Variants in PEBP4 observed in about 807,000 individuals in gnomAD.
The protein encoded by PEBP4 is phosphatidylethanolamine-binding protein 4.
In PEBP4, 22 loss-of-function variants were observed where a neutral mutation model predicts 23.9. That is an observed-to-expected ratio of 0.92 (90% CI 0.66 to 1.31). The LOEUF is 1.31. Among genes scored for constraint, PEBP4 ranks in the 40% most tolerant of loss-of-function variants. The pLI is 0.00. For synonymous variants in PEBP4, 112 were observed against 99.3 expected (o/e 1.13, Z -0.76); for missense variants, 324 against 281.7 (o/e 1.15, Z -1.07).
intron 3 of PEBP4, among the ~76,000 whole-genome samples, chr8:22,852,302 T>C (rs142888195): frequency 6.6e-6 from 1 of 152,326 alleles, no homozygotes; most frequent in African/African-American, 2.4e-5. Flanking sequence ...TTTCTTGTTC[T>C]TCTTTTTTTC....
At chr8:22,727,000 A>T (rs1804632911) in intron 5 of PEBP4, among the ~76,000 whole-genome samples, 175 bp downstream of exon 5, 1 of 152,186 alleles carries the variant, frequency 6.6e-6, no homozygotes. Flanking sequence ...TCCTCTTAAA[A>T]TGGGGACACT....
chr8:22,907,380 T>C (rs991476319), intron 3 of PEBP4, among the ~76,000 whole-genome samples: 2 of 152,004 alleles, frequency 1.3e-5, no homozygotes, highest in African/African-American at 4.8e-5. Context: ...GGTGTGGTGG[T>C]GCACACCTGT....
chr8:22,878,884 T>C (rs558685223), intron 3 of PEBP4, among the ~76,000 whole-genome samples: 7 of 152,304 alleles, frequency 4.6e-5, no homozygotes, highest in Non-Finnish European at 7.4e-5. Flanking sequence ...GAAGAGGGCA[T>C]CCAGAATGAT....
At chr8:22,878,645 G>C (rs923975799) in intron 3 of PEBP4, among the ~76,000 whole-genome samples, 1 of 152,116 alleles carries the variant, frequency 6.6e-6, no homozygotes, top group Admixed American at 6.5e-5. Context: ...ATGCTCACTC[G>C]GACTCTGCTA....
chr8:22,823,777 G>A (rs1280547998), intron 3 of PEBP4, among the ~76,000 whole-genome samples: 1 of 151,852 alleles, frequency 6.6e-6, no homozygotes, highest in Non-Finnish European at 1.5e-5. Context: ...AATATACAAA[G>A]TACTCTTTAA....
intron 4 of PEBP4, among the ~76,000 whole-genome samples, chr8:22,799,613 T>C (rs929043566): frequency 6.6e-6 from 1 of 152,256 alleles, no homozygotes; most frequent in Non-Finnish European, 1.5e-5. Context: ...TGCAGGTTTG[T>C]TACATAGGTA....
intron 4 of PEBP4, among the ~76,000 whole-genome samples, chr8:22,807,938 T>G (rs1455790746): frequency 2.1e-5 from 3 of 142,070 alleles, no homozygotes; most frequent in Non-Finnish European, 4.6e-5. Flanking sequence ...ATCCACCTAC[T>G]AAACCTCTAT....
chr8:22,717,680 A>G (rs543976677), intron 6 of PEBP4, among the ~76,000 whole-genome samples: 1 of 152,296 alleles, frequency 6.6e-6, no homozygotes, highest in South Asian at 2.1e-4. Flanking sequence ...CCGGCTCCGA[A>G]CAGCCCTGTT....
At chr8:22,918,929 G>GCACATGTGCACGTGTGCACATGTGCA (rs1809138579) in intron 3 of PEBP4, among the ~76,000 whole-genome samples, 1 of 151,026 alleles carries the variant, frequency 6.6e-6, no homozygotes, top group East Asian at 2.0e-4. Flanking sequence ...GTGTGTGTGT[G>GCACATGTGCACGTGTGCACATGTGCA]CACATGTGCA....
At chr8:22,891,855 C>T (rs138037469) in intron 3 of PEBP4, among the ~76,000 whole-genome samples, 1,579 of 152,304 alleles carry the variant, frequency 0.01, 20 homozygotes, top group African/African-American at 0.036. Context: ...GGACGGATCA[C>T]GAGGTCAGGA....
intron 3 of PEBP4, among the ~76,000 whole-genome samples, chr8:22,913,199 T>C (rs1192204291): frequency 6.6e-6 from 1 of 152,108 alleles, no homozygotes; most frequent in East Asian, 1.9e-4. Flanking sequence ...ACTGGTGATC[T>C]CCCCAGGGTG....
chr8:22,775,412 C>A lies in PEBP4; in HGVS notation c.357+42225G>T, dbSNP rs1342713240. Among the ~76,000 whole-genome samples, 1 of 152,170 alleles carries A rather than the reference C, an allele frequency of 6.6e-6. No homozygotes were observed. The highest frequency in any genetic ancestry group is 2.4e-5 in the African/African-American group (1 of 41,434). On this transcript the variant is annotated intron_variant, in intron 4 of 6. Transcript: ENST00000256404. This position sits in a 1 kb window ranked among gnomAD's most constrained non-coding sequence, Gnocchi z 4.8. ...CCCAGGCAAGGAGCGGCCTTGCCAACCAATCCCTCCTTTACAACCATGCCG... is the reference window on the plus strand; with the variant it reads ...CCCAGGCAAGGAGCGGCCTTGCCAAACAATCCCTCCTTTACAACCATGCCG...
chr8:22,880,956 C>CCTGCT (rs1563247626), intron 3 of PEBP4, among the ~76,000 whole-genome samples: 2 of 152,260 alleles, frequency 1.3e-5, no homozygotes, highest in African/African-American at 2.4e-5. Flanking sequence ...CACCACCCTT[C>CCTGCT]CTGCTCTGCT....
At chr8:22,910,333 C>T (rs76748149) in intron 3 of PEBP4, among the ~76,000 whole-genome samples, 2,181 of 152,354 alleles carry the variant, frequency 0.014, 28 homozygotes, top group African/African-American at 0.036. Flanking sequence ...CCCAACATCC[C>T]GCGCTTGCTC....
At chr8:22,767,502 C>T (rs1805632904) in intron 4 of PEBP4, among the ~76,000 whole-genome samples, 1 of 152,212 alleles carries the variant, frequency 6.6e-6, no homozygotes, top group Admixed American at 6.5e-5. Flanking sequence ...CTTTCTGCAA[C>T]AACACAGGTG....
intron 3 of PEBP4, among the ~76,000 whole-genome samples, chr8:22,855,000 GCACACACA>G (rs200500141): frequency 0.017 from 1,232 of 73,766 alleles, 16 homozygotes; most frequent in East Asian, 0.08. Context: ...GAGTATGCAC[GCACACACA>G]CACACACACA....
At chr8:22,881,791 G>A (rs1377443259) in intron 3 of PEBP4, among the ~76,000 whole-genome samples, 3 of 152,226 alleles carry the variant, frequency 2.0e-5, no homozygotes, top group Non-Finnish European at 2.9e-5. Context: ...AAACTGTGGA[G>A]TGGGAGGCCA....
At chr8:22,879,187 G>T (rs1162619086) in intron 3 of PEBP4, 1 of 152,238 alleles carries the variant, frequency 6.6e-6, no homozygotes, top group African/African-American at 2.4e-5. Flanking sequence ...ATCTGTGTGA[G>T]GCCACAGAAC....
intron 4 of PEBP4, among the ~76,000 whole-genome samples, chr8:22,750,346 C>T (rs147980590): frequency 8.9e-5 from 13 of 145,544 alleles, no homozygotes; most frequent in East Asian, 2.1e-4. Context: ...GTGATCCACC[C>T]GCTGTGGCCT....
Sources: allele counts gnomAD v4.1 joint callset (sites outside exome capture counted in the v4.1 genomes callset), GRCh38; gene constraint gnomAD v4.1.1; non-coding constraint Gnocchi (gnomAD v3.1); transcripts MANE v1.5; gene names NCBI Gene and HGNC (gene_info 2026-07-23, HGNC 2026-07-21).